KLF8: variants seen among roughly 807,000 people sequenced by gnomAD.
KLF8 encodes the protein KLF transcription factor 8.
In KLF8, 10 loss-of-function variants were observed where a neutral mutation model predicts 18.2. The observed-to-expected ratio is 0.55, with a 90% CI of 0.34 to 0.93. The LOEUF is 0.93. Among genes scored for constraint, KLF8 ranks in the 40% least tolerant of loss-of-function variants. KLF8 has a pLI of 0.02. For synonymous variants in KLF8, 109 were observed against 97.3 expected, an observed-to-expected ratio of 1.12 and a Z score of -0.71; for missense variants, 264 against 277.9, an observed-to-expected ratio of 0.95 and a Z score of 0.36.
At chrX:56,222,453 C>T in the KLF8 span, among the ~76,000 whole-genome samples, 1 of 112,753 alleles carries the variant, frequency 8.9e-6, no homozygotes, top group African/African-American at 3.2e-5. Context: ...GAGCTAGACA[C>T]AGAGTGCTGA....
chrX:55,992,426 C>A, the KLF8 span, among the ~76,000 whole-genome samples: 1 of 111,678 alleles, frequency 9.0e-6, no homozygotes, highest in East Asian at 2.8e-4. Flanking sequence ...GGCTTTATTT[C>A]TGGGCTCTCT....
chrX:56,033,620 A>G, the KLF8 span, among the ~76,000 whole-genome samples: 6 of 112,095 alleles, frequency 5.4e-5, no homozygotes, highest in Non-Finnish European at 1.1e-4. Context: ...CTGTAATATT[A>G]TAATTCACAT....
chrX:56,120,526 G>A, the KLF8 span, among the ~76,000 whole-genome samples: 5 of 111,537 alleles, frequency 4.5e-5, no homozygotes, highest in African/African-American at 1.3e-4. Flanking sequence ...AGAGAAAAAT[G>A]TCCCCAGCCT....
At chrX:56,074,720 A>C in the KLF8 span, 1 of 163,844 alleles carries the variant, frequency 6.1e-6, no homozygotes, top group Non-Finnish European at 1.2e-5. Context: ...ATTGGGAAAT[A>C]TGAATCTTCC....
the KLF8 span, among the ~76,000 whole-genome samples, chrX:55,966,309 C>T: frequency 8.0e-5 from 9 of 112,132 alleles, no homozygotes; most frequent in African/African-American, 2.9e-4. Context: ...TTGGGTGAGA[C>T]CAAGTGCTTT....
At chrX:56,198,134 A>T in the KLF8 span, among the ~76,000 whole-genome samples, 1 of 112,264 alleles carries the variant, frequency 8.9e-6, no homozygotes. Flanking sequence ...CCAATATCAT[A>T]CTGAATGGAC....
At chrX:56,135,765 A>C in the KLF8 span, among the ~76,000 whole-genome samples, 1 of 112,152 alleles carries the variant, frequency 8.9e-6, no homozygotes, top group Admixed American at 9.5e-5. Context: ...CTGCTACTGA[A>C]TGACTTTCAG....
chrX:56,058,879 G>A, the KLF8 span, among the ~76,000 whole-genome samples: 1 of 111,631 alleles, frequency 9.0e-6, no homozygotes, highest in African/African-American at 3.3e-5. Context: ...TAGTGGGATT[G>A]CTGGGTCAAA....
chrX:56,068,222 G>A, the KLF8 span, among the ~76,000 whole-genome samples: 4 of 111,391 alleles, frequency 3.6e-5, no homozygotes, highest in Non-Finnish European at 7.6e-5. Flanking sequence ...CAGCTGGATG[G>A]TGCCACTTCC....
At chrX:56,128,799 C>A in the KLF8 span, among the ~76,000 whole-genome samples, 2 of 111,434 alleles carry the variant, frequency 1.8e-5, no homozygotes, top group African/African-American at 6.5e-5. Flanking sequence ...AAGAACAAAG[C>A]AAAACAAACA....
the KLF8 span, among the ~76,000 whole-genome samples, chrX:56,030,297 T>A: frequency 1.8e-5 from 2 of 111,676 alleles, no homozygotes; most frequent in African/African-American, 6.5e-5. Flanking sequence ...AATTCTTATG[T>A]ATTCCTGGGG....
the KLF8 span, among the ~76,000 whole-genome samples, chrX:56,165,989 T>C: frequency 9.0e-6 from 1 of 111,667 alleles, no homozygotes; most frequent in Non-Finnish European, 1.9e-5. Context: ...GCTTGAAAAC[T>C]CAAATTTTGT....
the KLF8 span, among the ~76,000 whole-genome samples, chrX:56,048,420 A>C: frequency 2.7e-5 from 3 of 111,903 alleles, no homozygotes; most frequent in South Asian, 3.8e-4. Flanking sequence ...GTAAGTCTTT[A>C]ATCCATCTTG....
At chrX:55,930,420 G>GT in the KLF8 span, among the ~76,000 whole-genome samples, 4 of 111,843 alleles carry the variant, frequency 3.6e-5, no homozygotes, top group African/African-American at 1.3e-4. Context: ...CCAATACTAT[G>GT]TTGAATAGGA....
chrX:56,144,999 G>A, the KLF8 span, among the ~76,000 whole-genome samples: 1 of 108,855 alleles, frequency 9.2e-6, no homozygotes, highest in African/African-American at 3.3e-5. Flanking sequence ...CACCATGTTG[G>A]CCAGGCTGGT....
the KLF8 span, among the ~76,000 whole-genome samples, chrX:56,145,003 G>T: frequency 9.2e-6 from 1 of 109,151 alleles, no homozygotes; most frequent in Non-Finnish European, 1.9e-5. Context: ...ATGTTGGCCA[G>T]GCTGGTCTTG....
chrX:55,953,442 C>A, the KLF8 span, among the ~76,000 whole-genome samples: 1 of 75,130 alleles, frequency 1.3e-5, no homozygotes, highest in East Asian at 6.0e-4. Flanking sequence ...CCCTCAAAAT[C>A]CCAGGTGGAT....
the KLF8 span, among the ~76,000 whole-genome samples, chrX:56,079,083 C>CA: frequency 9.0e-6 from 1 of 111,105 alleles, no homozygotes; most frequent in Admixed American, 9.6e-5. Flanking sequence ...TTGATCCTTT[C>CA]AAAAAACCAG....
the KLF8 span, among the ~76,000 whole-genome samples, chrX:56,135,404 A>G: frequency 2.7e-5 from 3 of 110,911 alleles, no homozygotes; most frequent in African/African-American, 9.8e-5. Context: ...CTTTGTAGGG[A>G]CATGGATGAA....
Sources: allele counts gnomAD v4.1 joint callset (sites outside exome capture counted in the v4.1 genomes callset), GRCh38; gene constraint gnomAD v4.1.1; transcripts MANE v1.5; gene names NCBI Gene and HGNC (gene_info 2026-07-23, HGNC 2026-07-21).